RBFOX1: variants seen among roughly 807,000 people sequenced by gnomAD.
RBFOX1 encodes the protein RNA binding fox-1 homolog 1, also known as RNA binding protein fox-1 homolog 1.
A neutral mutation model predicts 57.7 loss-of-function variants in RBFOX1; 8 were observed. That is an observed-to-expected ratio of 0.14 (90% CI 0.08 to 0.25). The LOEUF is 0.25. Ranked by LOEUF, RBFOX1 falls within the 10% of genes least tolerant of loss-of-function variation. The pLI is 1.00. For missense variants in RBFOX1, 611 were observed against 548.5 expected, an observed-to-expected ratio of 1.11 and a Z score of -1.14; for synonymous variants, 326 against 222.4, an observed-to-expected ratio of 1.47 and a Z score of -4.15.
intron 2 of RBFOX1, among the ~76,000 whole-genome samples, chr16:6,418,486 A>G (rs897939475): frequency 1.2e-4 from 18 of 149,442 alleles, no homozygotes; most frequent in African/African-American, 4.2e-4. Flanking sequence ...CACATCATCT[A>G]CAATTTTGGA....
At chr16:7,298,545 G>A (rs2095954719) in intron 4 of RBFOX1, among the ~76,000 whole-genome samples, 1 of 151,996 alleles carries the variant, frequency 6.6e-6, no homozygotes, top group Non-Finnish European at 1.5e-5. Flanking sequence ...ACTCGCCTTG[G>A]CCTCCCAAAG....
intron 2 of RBFOX1, among the ~76,000 whole-genome samples, chr16:6,503,435 T>A (rs1203630478): frequency 1.3e-5 from 2 of 152,208 alleles, no homozygotes; most frequent in Non-Finnish European, 2.9e-5. Flanking sequence ...ATATGTTTGT[T>A]CACATTTCCC....
intron 3 of RBFOX1, among the ~76,000 whole-genome samples, chr16:5,607,198 CG>C (rs2047615101): frequency 6.6e-6 from 1 of 152,110 alleles, no homozygotes. Flanking sequence ...AGCGTCTGCT[CG>C]GCAGAAAACC....
chr16:7,010,979 C>G (rs1211162773), intron 3 of RBFOX1, among the ~76,000 whole-genome samples: 2 of 152,152 alleles, frequency 1.3e-5, no homozygotes, highest in Non-Finnish European at 2.9e-5. Context: ...ACTACTTAGG[C>G]TGTTCTTTCC....
chr16:7,513,987 C>G (rs996597918), intron 4 of RBFOX1, among the ~76,000 whole-genome samples: 1 of 152,222 alleles, frequency 6.6e-6, no homozygotes, highest in African/African-American at 2.4e-5. Context: ...CAGGCCCTTT[C>G]TCTCTCTTTC....
intron 3 of RBFOX1, among the ~76,000 whole-genome samples, chr16:6,932,260 C>T (rs912920066): frequency 1.3e-5 from 2 of 152,180 alleles, no homozygotes; most frequent in Non-Finnish European, 1.5e-5. Context: ...TGCACCACCA[C>T]ACCTGGCTAA....
chr16:5,703,303 G>A (rs1164611511), intron 3 of RBFOX1, among the ~76,000 whole-genome samples: 1 of 152,208 alleles, frequency 6.6e-6, no homozygotes, highest in Admixed American at 6.5e-5. Flanking sequence ...TTGAACCAAG[G>A]CTTTTTGAAA....
chr16:7,612,101 C>T (rs1362782079), intron 10 of RBFOX1, among the ~76,000 whole-genome samples: 1 of 151,870 alleles, frequency 6.6e-6, no homozygotes, highest in Non-Finnish European at 1.5e-5. Context: ...GCAGGTGGAT[C>T]ACGAGGTCAG....
intron 1 of RBFOX1, among the ~76,000 whole-genome samples, chr16:6,159,388 T>C (rs952241474): frequency 3.9e-5 from 6 of 151,900 alleles, no homozygotes; most frequent in African/African-American, 7.3e-5. Flanking sequence ...CTGTCATAGG[T>C]TTTTGGGGGG....
At chr16:6,256,533 A>G (rs2097668466) in intron 1 of RBFOX1, among the ~76,000 whole-genome samples, 1 of 151,696 alleles carries the variant, frequency 6.6e-6, no homozygotes. Context: ...AAGTCTTTGA[A>G]CTTGACATTG....
chr16:7,583,226 C>G (rs1355072977), intron 6 of RBFOX1, among the ~76,000 whole-genome samples: 1 of 151,508 alleles, frequency 6.6e-6, no homozygotes, highest in Non-Finnish European at 1.5e-5. Flanking sequence ...AAAGCAGAAG[C>G]CATCGTCTTT....
intron 4 of RBFOX1, among the ~76,000 whole-genome samples, chr16:7,390,776 T>C (rs924004513): frequency 6.6e-6 from 1 of 152,224 alleles, no homozygotes; most frequent in African/African-American, 2.4e-5. Flanking sequence ...AGAAAGAGAC[T>C]ATTTTCTTTC....
At chr16:7,325,553 C>A (rs540036332) in intron 4 of RBFOX1, among the ~76,000 whole-genome samples, 2 of 152,308 alleles carry the variant, frequency 1.3e-5, no homozygotes, top group East Asian at 3.9e-4. Flanking sequence ...CATACACTAA[C>A]TGAAAGCAGT....
At chr16:7,283,905 T>C (rs1322077863) in intron 4 of RBFOX1, among the ~76,000 whole-genome samples, 1 of 152,224 alleles carries the variant, frequency 6.6e-6, no homozygotes, top group Admixed American at 6.5e-5. Context: ...TTGGAGCATA[T>C]TCGTCATTCC....
intron 2 of RBFOX1, among the ~76,000 whole-genome samples, chr16:5,551,908 G>A (rs1597491227): frequency 6.6e-6 from 1 of 151,726 alleles, no homozygotes; most frequent in Non-Finnish European, 1.5e-5. Flanking sequence ...TTCTGTTCCT[G>A]TGTGAGTTTG....
rs140005516 is a variant in RBFOX1 at position 5,449,476 on chromosome 16, A to G, written c.220-17740A>G. Among the ~76,000 whole-genome samples, 8 of 152,300 alleles carry G rather than the reference A, an allele frequency of 5.3e-5. No homozygotes were observed. The East Asian group carries it at 7.7e-4, about 15-fold the overall frequency. Reference sequence around the variant, plus strand: ...TGCCTCATATCAGACCCTAAACACTACAAGGTTTGGAGAGGTTAACTAAGT... The same window carrying G: ...TGCCTCATATCAGACCCTAAACACTGCAAGGTTTGGAGAGGTTAACTAAGT... On this transcript the variant is annotated intron_variant, in intron 1 of 2. Coordinates refer to the RBFOX1 transcript ENST00000585867.
intron 2 of RBFOX1, among the ~76,000 whole-genome samples, chr16:6,630,007 A>G (rs1250926362): frequency 1.3e-5 from 2 of 149,130 alleles, no homozygotes; most frequent in Non-Finnish European, 3.0e-5. Flanking sequence ...TCAGAAGGAG[A>G]AAAATGGAAA....
intron 3 of RBFOX1, among the ~76,000 whole-genome samples, chr16:6,946,899 A>C (rs1490028017): frequency 1.3e-5 from 2 of 152,142 alleles, no homozygotes; most frequent in South Asian, 2.1e-4. Flanking sequence ...ATGAGTCACC[A>C]CATCCAGCCC....
chr16:7,121,470 AT>A (rs1351439744), intron 4 of RBFOX1, among the ~76,000 whole-genome samples: 1 of 152,132 alleles, frequency 6.6e-6, no homozygotes, highest in African/African-American at 2.4e-5. Context: ...ACCATTTACA[AT>A]AGCTCCAAAA....
Sources: allele counts gnomAD v4.1 joint callset (sites outside exome capture counted in the v4.1 genomes callset), GRCh38; gene constraint gnomAD v4.1.1; transcripts MANE v1.5; gene names NCBI Gene and HGNC (gene_info 2026-07-23, HGNC 2026-07-21).